Variants in SLC9A9 observed in about 807,000 individuals in gnomAD.
The protein encoded by SLC9A9 is sodium/hydrogen exchanger 9.
A neutral mutation model predicts 77.8 loss-of-function variants in SLC9A9; 62 were observed. The observed-to-expected ratio is 0.80, with a 90% CI of 0.65 to 0.98. The LOEUF (loss-of-function observed/expected upper bound fraction) is 0.98. Among genes scored for constraint, SLC9A9 ranks in the 50% least tolerant of loss-of-function variants. SLC9A9 has a pLI of 0.00. For missense variants in SLC9A9, 775 were observed against 774.9 expected, an observed-to-expected ratio of 1.00 and a Z score of 0.00; for synonymous variants, 320 against 283.5, an observed-to-expected ratio of 1.13 and a Z score of -1.29.
intron 14 of SLC9A9, among the ~76,000 whole-genome samples, chr3:143,283,580 C>G (rs532269887): frequency 6.6e-6 from 1 of 152,348 alleles, no homozygotes; most frequent in Admixed American, 6.5e-5. Context: ...AGCCCCAACC[C>G]TGTCCCCTTG....
At chr3:143,431,904 C>A (rs529914839) in intron 12 of SLC9A9, among the ~76,000 whole-genome samples, 1 of 152,260 alleles carries the variant, frequency 6.6e-6, no homozygotes, top group Non-Finnish European at 1.5e-5. Context: ...ACAGTCTTTG[C>A]ATAAGCTATT....
intron 13 of SLC9A9, among the ~76,000 whole-genome samples, chr3:143,376,787 A>C (rs1461672140): frequency 6.6e-6 from 1 of 152,166 alleles, no homozygotes; most frequent in Non-Finnish European, 1.5e-5. Flanking sequence ...AACCCAAGAT[A>C]TTTTCTCTGA....
chr3:143,718,428 C>G (rs1414806310), intron 4 of SLC9A9, among the ~76,000 whole-genome samples: 2 of 152,198 alleles, frequency 1.3e-5, no homozygotes, highest in African/African-American at 2.4e-5. Flanking sequence ...AGCATCCTCA[C>G]AGAAAGAACA....
chr3:143,781,847 T>C (rs1445441738), intron 4 of SLC9A9, among the ~76,000 whole-genome samples: 1 of 152,132 alleles, frequency 6.6e-6, no homozygotes, highest in African/African-American at 2.4e-5. Flanking sequence ...TCTCATGGAG[T>C]AGGAATGAGT....
chr3:143,539,835 C>T (rs1276796222), intron 9 of SLC9A9, among the ~76,000 whole-genome samples: 1 of 151,652 alleles, frequency 6.6e-6, no homozygotes, highest in Non-Finnish European at 1.5e-5. Context: ...GATATCCAAG[C>T]TTTGATGATG....
intron 6 of SLC9A9, among the ~76,000 whole-genome samples, chr3:143,620,023 C>T (rs536574271): frequency 6.6e-6 from 1 of 152,282 alleles, no homozygotes; most frequent in South Asian, 2.1e-4. Context: ...CTTAACACAG[C>T]TGTATCTTAG....
At chr3:143,483,726 G>T (rs2035609847) in intron 11 of SLC9A9, among the ~76,000 whole-genome samples, 2 of 152,050 alleles carry the variant, frequency 1.3e-5, no homozygotes, top group Non-Finnish European at 2.9e-5. Flanking sequence ...AAGCTTCTCT[G>T]CCCAGTGCCA....
At chr3:143,501,668 T>C (rs2035925822) in intron 9 of SLC9A9, among the ~76,000 whole-genome samples, 1 of 151,044 alleles carries the variant, frequency 6.6e-6, no homozygotes, top group Non-Finnish European at 1.5e-5. Flanking sequence ...AGATGGTTGT[T>C]GGCATTTTAA....
At chr3:143,810,987 T>C (rs1462711394) in intron 2 of SLC9A9, among the ~76,000 whole-genome samples, 1 of 152,084 alleles carries the variant, frequency 6.6e-6, no homozygotes, top group Non-Finnish European at 1.5e-5. Flanking sequence ...AAGCAGCATA[T>C]GAGTTGGATT....
intron 9 of SLC9A9, among the ~76,000 whole-genome samples, chr3:143,545,000 G>T (rs1177293933): frequency 6.6e-6 from 1 of 151,930 alleles, no homozygotes; most frequent in Non-Finnish European, 1.5e-5. Flanking sequence ...TTTATTTCCG[G>T]GTTCTCTATT....
At chr3:143,734,494 G>T (rs1934889827) in intron 4 of SLC9A9, among the ~76,000 whole-genome samples, 1 of 152,116 alleles carries the variant, frequency 6.6e-6, no homozygotes, top group African/African-American at 2.4e-5. Flanking sequence ...CCAGCAGTTT[G>T]GGAGGCCGAG....
At position 143,748,692 on chromosome 3, in the gene SLC9A9, C is replaced by CTTT. The variant is rs35698779; in HGVS notation, c.533+46306_533+46308dup. Among the ~76,000 whole-genome samples, 235 of 105,992 alleles carry CTTT rather than the reference C, an allele frequency of 2.2e-3. 1 individual carries two copies. Among genetic ancestry groups the CTTT allele is most frequent in the African/African-American group, 5.8e-3 (160 of 27,552 alleles). The allele number at this position is 105,992 out of a possible 152,430, so 69.5% of individuals were successfully genotyped here. A position where few individuals can be genotyped will look rare whatever the true frequency, so the allele number is the denominator to read the frequency against. On this transcript the variant is annotated intron_variant, in intron 4 of 15. Transcript: ENST00000316549. The stretch of plus-strand genomic sequence containing the variant: ...GGCAAAGAGTCTCTTTTTGACCAAG[C>CTTT]TTTTTTTTTTTTTTTTTTTTTTGAG...
chr3:143,370,654 A>G (rs150318388), intron 13 of SLC9A9, among the ~76,000 whole-genome samples: 2 of 152,120 alleles, frequency 1.3e-5, no homozygotes, highest in East Asian at 3.9e-4. Flanking sequence ...TGCTAATAAC[A>G]AAACCCAGAA....
intron 14 of SLC9A9, among the ~76,000 whole-genome samples, chr3:143,287,658 T>G (rs1938419863): frequency 6.6e-6 from 1 of 152,234 alleles, no homozygotes; most frequent in Non-Finnish European, 1.5e-5. Context: ...CTGCTATTCA[T>G]GAAGTCCAGT....
intron 14 of SLC9A9, among the ~76,000 whole-genome samples, chr3:143,291,505 A>G (rs2029970806): frequency 6.6e-6 from 1 of 152,182 alleles, no homozygotes; most frequent in Non-Finnish European, 1.5e-5. Context: ...TGCCAAAGCC[A>G]TGGGTTCTGT....
chr3:143,417,489 G>C (rs2034216514), intron 12 of SLC9A9, among the ~76,000 whole-genome samples: 1 of 150,350 alleles, frequency 6.7e-6, no homozygotes, highest in South Asian at 2.1e-4. Context: ...ATGGAGCGGG[G>C]GGAGAGGGAG....
At chr3:143,530,669 AC>A (rs1313949507) in intron 9 of SLC9A9, among the ~76,000 whole-genome samples, 4 of 141,190 alleles carry the variant, frequency 2.8e-5, no homozygotes, top group Admixed American at 1.4e-4. Context: ...AAACAAACAA[AC>A]AAACAAAAAC....
At chr3:143,639,151 T>C (rs2038579210) in intron 6 of SLC9A9, among the ~76,000 whole-genome samples, 1 of 152,242 alleles carries the variant, frequency 6.6e-6, no homozygotes, top group African/African-American at 2.4e-5. Context: ...TAGAGTTTTG[T>C]CTTTTTGTTT....
chr3:143,824,235 T>TTA (rs1199002387), intron 2 of SLC9A9, among the ~76,000 whole-genome samples: 2 of 152,022 alleles, frequency 1.3e-5, no homozygotes, highest in Non-Finnish European at 2.9e-5. Flanking sequence ...CTAAAACTTT[T>TTA]TATATATACA....
Sources: allele counts gnomAD v4.1 joint callset (sites outside exome capture counted in the v4.1 genomes callset), GRCh38; gene constraint gnomAD v4.1.1; transcripts MANE v1.5; gene names NCBI Gene and HGNC (gene_info 2026-07-23, HGNC 2026-07-21).